Variants in DPP10 observed in about 807,000 individuals in gnomAD.
DPP10 encodes dipeptidyl peptidase like 10.
Under a neutral mutation model 120.9 loss-of-function variants are expected in DPP10, and 33 were observed. The ratio of observed to expected loss-of-function variants is 0.27; its 90% confidence interval spans 0.21 to 0.37. DPP10 has a LOEUF of 0.37. Ranked by LOEUF, DPP10 falls within the 10% of genes least tolerant of loss-of-function variation. DPP10 has a pLI of 1.00. For missense variants in DPP10, 816 were observed against 942.8 expected (o/e 0.87, Z 1.76); for synonymous variants, 337 against 326.1 (o/e 1.03, Z -0.36).
chr2:115,499,280 C>T (rs2076559348), intron 3 of DPP10, among the ~76,000 whole-genome samples: 1 of 152,056 alleles, frequency 6.6e-6, no homozygotes, highest in African/African-American at 2.4e-5. Flanking sequence ...AACCATGAAC[C>T]TGAGTGGCCC....
intron 1 of DPP10, among the ~76,000 whole-genome samples, chr2:114,865,545 C>A (rs1690154482): frequency 1.3e-5 from 2 of 152,134 alleles, no homozygotes; most frequent in South Asian, 4.1e-4. Context: ...TTTAATTTAA[C>A]ATGTGGAGCA....
intron 1 of DPP10, among the ~76,000 whole-genome samples, chr2:114,787,305 GGAGA>G (rs1682846597): frequency 6.6e-6 from 1 of 152,120 alleles, no homozygotes; most frequent in Admixed American, 6.6e-5. Flanking sequence ...TTTTAGAAAC[GGAGA>G]GAAAGCCAGT....
At chr2:114,633,334 C>CTCCA (rs2105387236) in intron 1 of DPP10, among the ~76,000 whole-genome samples, 1 of 145,132 alleles carries the variant, frequency 6.9e-6, no homozygotes, top group South Asian at 2.2e-4. Context: ...TCACTGCAAC[C>CTCCA]TCCACCTCCC....
At chr2:115,405,065 A>T (rs2068407697) in intron 3 of DPP10, among the ~76,000 whole-genome samples, 1 of 152,166 alleles carries the variant, frequency 6.6e-6, no homozygotes, top group Non-Finnish European at 1.5e-5. Context: ...TAGTACCCAA[A>T]TCTTAACTTA....
Position 114,535,042 on chromosome 2 carries a change from G to C in DPP10, c.60+92204G>C, listed in dbSNP as rs533448303. Among the ~76,000 whole-genome samples, 7 of 151,640 alleles carry C rather than the reference G, an allele frequency of 4.6e-5. No individual in the cohort carries two copies. The East Asian group carries it at 9.7e-4, about 21-fold the overall frequency. On this transcript the variant is annotated intron_variant, in intron 1 of 25. Coordinates refer to ENST00000410059, the MANE Select transcript of DPP10 (RefSeq NM_020868.6). ...ACTTGCTTTTGGCTTCTAAAATTTG[G>C]CTGCTGTTGTCTTCTTTTCTTTCTT...
At chr2:115,204,048 G>A (rs1488132977) in intron 1 of DPP10, among the ~76,000 whole-genome samples, 1 of 152,080 alleles carries the variant, frequency 6.6e-6, no homozygotes, top group Admixed American at 6.6e-5. Context: ...TCCCCCTCAC[G>A]TTCTATGAAT....
At chr2:115,119,467 C>T (rs2049710276) in intron 1 of DPP10, among the ~76,000 whole-genome samples, 1 of 152,134 alleles carries the variant, frequency 6.6e-6, no homozygotes, top group African/African-American at 2.4e-5. Flanking sequence ...GATGGGGGGC[C>T]CTCTCCTGTC....
At chr2:114,512,860 G>A (rs142080461) in intron 1 of DPP10, among the ~76,000 whole-genome samples, 80 of 152,286 alleles carry the variant, frequency 5.3e-4, no homozygotes, top group African/African-American at 1.8e-3. Flanking sequence ...TTCCTGTTGA[G>A]GAATGCCTGC....
rs114603696 is a variant in DPP10 at position 114,626,145 on chromosome 2, G to A, written c.60+183307G>A. ...AATCTTGGTTTTCAGCAACATAAAT[G>A]TGATTACTCATTTGCCTTAATCCAC... On this transcript the variant is annotated intron_variant, in intron 1 of 25. Coordinates refer to ENST00000410059, the MANE Select transcript of DPP10 (RefSeq NM_020868.6). 4.2e-3 allele frequency among the ~76,000 whole-genome samples: 636 copies of A among 150,758 alleles called. 7 individuals carry two copies. Among genetic ancestry groups the A allele is most frequent in the African/African-American group, 0.015 (613 of 41,060 alleles).
intron 1 of DPP10, among the ~76,000 whole-genome samples, chr2:115,186,888 G>GACTTAGAATAGTTAT (rs1319298211): frequency 6.6e-6 from 1 of 151,998 alleles, no homozygotes; most frequent in Non-Finnish European, 1.5e-5. Flanking sequence ...ACACAGAAAG[G>GACTTAGAATAGTTAT]ACTTAGAATA....
chr2:115,184,763 C>T (rs1260029516), intron 1 of DPP10, among the ~76,000 whole-genome samples: 2 of 152,182 alleles, frequency 1.3e-5, no homozygotes, highest in South Asian at 2.1e-4. Flanking sequence ...CACATATTGT[C>T]GGGATCTCTG....
At chr2:114,928,777 T>C (rs1162209033) in intron 1 of DPP10, among the ~76,000 whole-genome samples, 1 of 152,242 alleles carries the variant, frequency 6.6e-6, no homozygotes, top group East Asian at 1.9e-4. Context: ...TGTGGAAGCC[T>C]CCAAGCTTTC....
intron 1 of DPP10, among the ~76,000 whole-genome samples, chr2:114,782,468 T>C (rs1259772343): frequency 6.6e-6 from 1 of 152,012 alleles, no homozygotes; most frequent in Non-Finnish European, 1.5e-5. Flanking sequence ...AATATTCTAA[T>C]TCTAATTTAT....
At chr2:115,020,548 C>T (rs529578307) in intron 1 of DPP10, among the ~76,000 whole-genome samples, 1 of 152,098 alleles carries the variant, frequency 6.6e-6, no homozygotes, top group South Asian at 2.1e-4. Flanking sequence ...AGATATATGG[C>T]AACACAATAA....
At chr2:115,490,313 A>T (rs1214476898) in intron 3 of DPP10, among the ~76,000 whole-genome samples, 3 of 152,132 alleles carry the variant, frequency 2.0e-5, no homozygotes, top group Non-Finnish European at 4.4e-5. Context: ...CCAGCAGGGG[A>T]AATGCCAGAT....
chr2:114,731,605 G>A (rs1031234245), intron 1 of DPP10, among the ~76,000 whole-genome samples: 3 of 152,116 alleles, frequency 2.0e-5, no homozygotes, highest in Admixed American at 1.3e-4. Context: ...GGTCTTGTGT[G>A]ACCTATGTCC....
intron 9 of DPP10, among the ~76,000 whole-genome samples, chr2:115,743,632 T>C (rs972612923): frequency 6.6e-6 from 1 of 151,244 alleles, no homozygotes. Context: ...TTAGGCACTT[T>C]ACATAAATCT....
intron 1 of DPP10, among the ~76,000 whole-genome samples, chr2:114,629,704 A>T (rs1694776785): frequency 6.6e-6 from 1 of 152,200 alleles, no homozygotes; most frequent in Non-Finnish European, 1.5e-5. Context: ...CTCTAAAGAA[A>T]GATTAGACGA....
chr2:114,846,166 T>TC (rs1479279548), intron 1 of DPP10, among the ~76,000 whole-genome samples: 1 of 152,090 alleles, frequency 6.6e-6, no homozygotes, highest in Non-Finnish European at 1.5e-5. Flanking sequence ...ATAAAATTAG[T>TC]CCTTATGTTG....
Sources: gnomAD v4.1 joint callset for allele counts (sites outside exome capture counted in the v4.1 genomes callset) on GRCh38, gnomAD v4.1.1 for gene constraint, MANE v1.5 for transcripts, NCBI Gene and HGNC (gene_info 2026-07-23, HGNC 2026-07-21) for gene names.